The following TBCD variants were observed in gnomAD, a reference collection of about 807,000 sequenced individuals.
The protein encoded by TBCD is tubulin-specific chaperone D.
A neutral mutation model predicts 169.3 loss-of-function variants in TBCD; 105 were observed. The ratio of observed to expected loss-of-function variants is 0.62; its 90% confidence interval spans 0.53 to 0.73. The LOEUF (loss-of-function observed/expected upper bound fraction) is 0.73, where lower values mean the gene tolerates loss of function less well. Among genes scored for constraint, TBCD ranks in the 30% least tolerant of loss-of-function variants. TBCD has a pLI of 0.00. For synonymous variants in TBCD, 700 were observed against 643.9 expected (o/e 1.09, Z -1.32); for missense variants, 1,444 against 1,600.1 (o/e 0.90, Z 1.66).
intron 6 of TBCD, among the ~76,000 whole-genome samples, chr17:82,773,920 G>C (rs1016464811): frequency 6.6e-6 from 1 of 151,616 alleles, no homozygotes; most frequent in African/African-American, 2.4e-5. Flanking sequence ...CAGTAGAGAT[G>C]GGGTTTCACT....
rs753935747 is a variant in TBCD at position 82,929,459 on chromosome 17, C to T, written c.2950C>T (p.Leu984=). 8.1e-6 allele frequency: 13 copies of T among 1,610,814 alleles called. No homozygotes were observed. The Admixed American group carries it at 2.2e-4, about 27-fold the overall frequency. Residue 984 remains leucine (L), a synonymous_variant, in exon 32 of 39, where the codon CTG becomes TTG. Coordinates refer to ENST00000355528, the MANE Select transcript of TBCD (RefSeq NM_005993.5). ...GLPTYRYHVL[L]GLVVSLGGLT... is the part of the protein sequence containing the mutation. ...GCCCACCTACCGCTACCACGTCCTG[C>T]TGGGGCTAGTCGTGTCCCTGGGCGG...
intron 6 of TBCD, among the ~76,000 whole-genome samples, chr17:82,775,891 T>C (rs1340554455): frequency 6.6e-6 from 1 of 151,804 alleles, no homozygotes; most frequent in Non-Finnish European, 1.5e-5. Context: ...TAAAGTATAA[T>C]AATAAAAAAA....
Position 82,831,731 on chromosome 17 carries a change from A to T in TBCD, c.1318+16797A>T, listed in dbSNP as rs2053532815. ...TGCTCTGTGTAAAAGTGAGGCGGGT[A>T]CTCTGGGATTGTGGGGTGCATGTAA... On this transcript the variant is annotated intron_variant, in intron 13 of 38. Coordinates refer to ENST00000355528, the MANE Select transcript of TBCD (RefSeq NM_005993.5). The surrounding 1 kb of genome is among the most constrained non-coding windows in gnomAD (Gnocchi z 4.6). 1.9e-6 allele frequency: 3 copies of T among 1,613,864 alleles called. No individual in the cohort carries two copies. The highest frequency in any genetic ancestry group is 1.1e-5 in the South Asian group (1 of 91,080).
chr17:82,928,064 C>G, intron 30 of TBCD, 76 bp downstream of exon 30: 4 of 1,380,600 alleles, frequency 2.9e-6, no homozygotes, highest in East Asian at 2.3e-5. Flanking sequence ...GGCGGGCGGT[C>G]CTGGTGCTCA....
At chr17:82,838,564 C>A in intron 13 of TBCD, 1 of 788,388 alleles carries the variant, frequency 1.3e-6, no homozygotes, top group Non-Finnish European at 1.5e-6. Context: ...GGCGTTGTTG[C>A]ATAACTCAAG....
chr17:82,826,347 C>A (rs530175252), intron 13 of TBCD, among the ~76,000 whole-genome samples: 176 of 151,968 alleles, frequency 1.2e-3, no homozygotes, highest in Middle Eastern at 3.4e-3. Context: ...CATAAAATAG[C>A]ATATTATTGA....
Position 82,797,770 on chromosome 17 carries a change from A to G in TBCD, c.785A>G (p.Lys262Arg). 6.4e-7 allele frequency: 1 copy of G among 1,574,616 alleles called. No homozygotes were observed. Among genetic ancestry groups the G allele is most frequent in the South Asian group, 1.2e-5 (1 of 83,926 alleles). The change falls in exon 8 of 39, where the codon AAA becomes AGA. Residue 262 changes from lysine to arginine, a missense_variant. Coordinates refer to ENST00000355528, the MANE Select transcript of TBCD (RefSeq NM_005993.5). ...GTLQALAQIF[K>R]HGKREDCLPY... ...TTTTTTTTTTAGGCACAAATATTTA[A>G]ACATGGAAAACGTGAAGACTGTTTG... is the stretch of plus-strand genomic sequence containing the variant.
At chr17:82,787,558 C>T (rs1321426928) in intron 7 of TBCD, among the ~76,000 whole-genome samples, 1 of 152,182 alleles carries the variant, frequency 6.6e-6, no homozygotes, top group Non-Finnish European at 1.5e-5. Context: ...GAGGTTTCAC[C>T]TTGGGCTTGG....
At chr17:82,940,405 C>T (rs971051517) in intron 37 of TBCD, among the ~76,000 whole-genome samples, 12 of 152,182 alleles carry the variant, frequency 7.9e-5, no homozygotes, top group Non-Finnish European at 1.0e-4. Context: ...TGAGGGCCTC[C>T]GTGCTGATCC....
rs757664782 is a variant in TBCD, at chr17:82,781,730, T to G, written c.771+9T>G. 6.2e-7 allele frequency: 1 copy of G among 1,613,278 alleles called. No individual in the cohort carries two copies. Among genetic ancestry groups the G allele is most frequent in the Non-Finnish European group, 8.5e-7 (1 of 1,179,688 alleles). On this transcript the variant is annotated intron_variant, in intron 7 of 38. Transcript: ENST00000355528. ...GGACGCTGCAGGCCCTGGTAAGTGCTGCCCGCAGGGGCTGTGGAGATCGCA... is the reference window on the plus strand; with the variant it reads ...GGACGCTGCAGGCCCTGGTAAGTGCGGCCCGCAGGGGCTGTGGAGATCGCA...
intron 13 of TBCD, among the ~76,000 whole-genome samples, chr17:82,857,396 C>T (rs1312421358): frequency 1.3e-5 from 2 of 151,952 alleles, no homozygotes; most frequent in Admixed American, 1.3e-4. Flanking sequence ...GTATTTTCTC[C>T]CATTCTGTTG....
At chr17:82,767,822 G>A (rs1281437659) in intron 4 of TBCD, among the ~76,000 whole-genome samples, 2 of 152,100 alleles carry the variant, frequency 1.3e-5, no homozygotes, top group Non-Finnish European at 1.5e-5. Flanking sequence ...TAGCATGGTG[G>A]CAAACGCCTG....
At chr17:82,779,902 C>T (rs1283091948) in intron 6 of TBCD, among the ~76,000 whole-genome samples, 1 of 152,204 alleles carries the variant, frequency 6.6e-6, no homozygotes. Context: ...TCTTCCGCCT[C>T]CTGGCCCTCC....
At chr17:82,765,929 C>T (rs2047996259) in intron 3 of TBCD, among the ~76,000 whole-genome samples, 1 of 152,180 alleles carries the variant, frequency 6.6e-6, no homozygotes, top group Non-Finnish European at 1.5e-5. Context: ...GATTCTCCCT[C>T]CTGCCTCATC....
At chr17:82,851,363 C>T (rs1441182849) in intron 13 of TBCD, among the ~76,000 whole-genome samples, 1 of 152,214 alleles carries the variant, frequency 6.6e-6, no homozygotes, top group African/African-American at 2.4e-5. Context: ...AACCTTTAAA[C>T]AGGTGTGACG....
At chr17:82,886,462 T>G (rs1042862968) in intron 15 of TBCD, among the ~76,000 whole-genome samples, 4 of 151,750 alleles carry the variant, frequency 2.6e-5, no homozygotes, top group African/African-American at 9.7e-5. Flanking sequence ...TTGTTCATCA[T>G]GAGGAAGGGA....
chr17:82,830,790 G>A (rs763514618), intron 13 of TBCD: 2 of 1,613,534 alleles, frequency 1.2e-6, no homozygotes, highest in African/African-American at 2.7e-5. Context: ...CCATCCCGGA[G>A]CTGTCGTCCG....
At chr17:82,905,006 G>A (rs372987563) in intron 19 of TBCD, among the ~76,000 whole-genome samples, 2 of 152,278 alleles carry the variant, frequency 1.3e-5, no homozygotes, top group African/African-American at 4.8e-5. Context: ...TCAAACCATC[G>A]CAAGCCTGGC....
chr17:82,891,745 G>C (rs1567971138), intron 16 of TBCD, among the ~76,000 whole-genome samples: 1 of 152,000 alleles, frequency 6.6e-6, no homozygotes, highest in African/African-American at 2.4e-5. Flanking sequence ...GGTGGTTGGG[G>C]AGCGGCCTGG....
Sources: gnomAD v4.1 joint callset for allele counts (sites outside exome capture counted in the v4.1 genomes callset) on GRCh38, gnomAD v4.1.1 for gene constraint, Gnocchi (gnomAD v3.1) non-coding constraint, MANE v1.5 for transcripts, NCBI Gene and HGNC (gene_info 2026-07-23, HGNC 2026-07-21) for gene names.